EFNA5: variants seen among roughly 807,000 people sequenced by gnomAD.
EFNA5 encodes ephrin-A5.
EFNA5 carries 5 observed loss-of-function variants against 22.9 expected under a neutral mutation model. That is an observed-to-expected ratio of 0.22 (90% CI 0.11 to 0.46). EFNA5 has a LOEUF of 0.46. Among genes scored for constraint, EFNA5 ranks in the 20% least tolerant of loss-of-function variants. The pLI, the probability that EFNA5 is intolerant of heterozygous loss-of-function variation, is 0.99. For missense variants in EFNA5, 237 were observed against 293.3 expected (o/e 0.81, Z 1.40); for synonymous variants, 113 against 112.2 (o/e 1.01, Z -0.04).
At chr5:107,391,080 G>T (rs750881173) in intron 2 of EFNA5, among the ~76,000 whole-genome samples, 2 of 152,246 alleles carry the variant, frequency 1.3e-5, no homozygotes, top group Non-Finnish European at 2.9e-5. Flanking sequence ...AATTGCTTGA[G>T]CCCAGGAGGC....
At chr5:107,503,781 C>A (rs1747192927) in intron 1 of EFNA5, among the ~76,000 whole-genome samples, 1 of 152,020 alleles carries the variant, frequency 6.6e-6, no homozygotes, top group South Asian at 2.1e-4. Flanking sequence ...TTTTTTATTA[C>A]TAAATTGTTT....
intron 2 of EFNA5, among the ~76,000 whole-genome samples, chr5:107,426,241 G>A (rs1018654203): frequency 6.6e-6 from 1 of 152,190 alleles, no homozygotes; most frequent in Non-Finnish European, 1.5e-5. Context: ...TCAGTTGACA[G>A]TGAGAATACA....
At chr5:107,641,537 G>A (rs1580576724) in intron 1 of EFNA5, among the ~76,000 whole-genome samples, 1 of 152,064 alleles carries the variant, frequency 6.6e-6, no homozygotes. Flanking sequence ...TACCTACAGG[G>A]GAGAAAAATA....
At chr5:107,465,852 T>C (rs17160004) in intron 1 of EFNA5, among the ~76,000 whole-genome samples, 10,959 of 151,758 alleles carry the variant, frequency 0.072, 1,332 homozygotes, top group African/African-American at 0.25. Flanking sequence ...AGATCCTCAC[T>C]GAAAAACAAA....
chr5:107,587,859 T>C (rs1749222431), intron 1 of EFNA5, among the ~76,000 whole-genome samples: 1 of 152,152 alleles, frequency 6.6e-6, no homozygotes, highest in Admixed American at 6.5e-5. Context: ...TCCTGTCTTC[T>C]GGGGTCACTA....
chr5:107,562,447 T>C (rs1748569852), intron 1 of EFNA5, among the ~76,000 whole-genome samples: 1 of 152,082 alleles, frequency 6.6e-6, no homozygotes, highest in Non-Finnish European at 1.5e-5. Flanking sequence ...TTTTGTGAAA[T>C]GAAGTTGAAA....
At chr5:107,586,965 C>G (rs1431102126) in intron 1 of EFNA5, among the ~76,000 whole-genome samples, 1 of 152,110 alleles carries the variant, frequency 6.6e-6, no homozygotes, top group African/African-American at 2.4e-5. Context: ...TACATGGACA[C>G]AGAAGGATCA....
At chr5:107,465,554 A>G (rs1305375874) in intron 1 of EFNA5, among the ~76,000 whole-genome samples, 1 of 152,182 alleles carries the variant, frequency 6.6e-6, no homozygotes, top group Non-Finnish European at 1.5e-5. Flanking sequence ...TCATGGAGTG[A>G]TGACAGTTAG....
chr5:107,623,707 C>CAAA (rs770559961), intron 1 of EFNA5, among the ~76,000 whole-genome samples: 5 of 116,102 alleles, frequency 4.3e-5, no homozygotes, highest in Non-Finnish European at 3.7e-5. Flanking sequence ...GGGGGAGATT[C>CAAA]AAAAAAAAAA....
At chr5:107,413,220 G>A (rs1748416580) in intron 2 of EFNA5, among the ~76,000 whole-genome samples, 2 of 151,928 alleles carry the variant, frequency 1.3e-5, no homozygotes, top group Non-Finnish European at 2.9e-5. Flanking sequence ...ACTTTTAAAA[G>A]GAACCTATGA....
chr5:107,626,065 G>A (rs1580567385), intron 1 of EFNA5, among the ~76,000 whole-genome samples: 1 of 152,172 alleles, frequency 6.6e-6, no homozygotes, highest in Non-Finnish European at 1.5e-5. Context: ...ACTCACTGAA[G>A]TAAGATCTTA....
chr5:107,391,278 G>A (rs1373255577), intron 2 of EFNA5, among the ~76,000 whole-genome samples: 1 of 152,134 alleles, frequency 6.6e-6, no homozygotes, highest in Non-Finnish European at 1.5e-5. Flanking sequence ...TCTTCAAGCT[G>A]GGACATAAAT....
chr5:107,618,267 G>T (rs1749965124), intron 1 of EFNA5, among the ~76,000 whole-genome samples: 1 of 152,160 alleles, frequency 6.6e-6, no homozygotes, highest in African/African-American at 2.4e-5. Context: ...AAATCTTGAT[G>T]TATTTCTGTT....
intron 1 of EFNA5, among the ~76,000 whole-genome samples, chr5:107,600,032 C>A (rs1397147152): frequency 1.3e-5 from 2 of 152,160 alleles, no homozygotes; most frequent in African/African-American, 2.4e-5. Flanking sequence ...ATGAAAATTA[C>A]AACAAAACCC....
At position 107,601,457 on chromosome 5, in the gene EFNA5, A is replaced by C. The variant is rs914279066; in HGVS notation, c.125+69032T>G. Among the ~76,000 whole-genome samples, 58 of 152,232 alleles carry C rather than the reference A, an allele frequency of 3.8e-4. 1 individual carries two copies. Among genetic ancestry groups the C allele is most frequent in the Non-Finnish European group, 4.4e-5 (3 of 68,040 alleles). ...TAGAAGTAAGTGTAACTCTGAGAAA[A>C]CAACCAAAATGAATCAAGCATACAA... On this transcript the variant is annotated intron_variant, in intron 1 of 4. Transcript: ENST00000333274.
At position 107,509,199 on chromosome 5, in the gene EFNA5, A is replaced by T. The variant is rs549132913; in HGVS notation, c.126-81690T>A. On this transcript the variant is annotated intron_variant, in intron 1 of 4. Coordinates refer to ENST00000333274, the MANE Select transcript of EFNA5 (RefSeq NM_001962.3). Reference sequence around the variant, plus strand: ...AAATTTTCTTATAACCCATTAATACATAAGAGCAGATGTCTTTAGATACCC... The same window carrying T: ...AAATTTTCTTATAACCCATTAATACTTAAGAGCAGATGTCTTTAGATACCC... 5.3e-5 allele frequency among the ~76,000 whole-genome samples: 8 copies of T among 152,364 alleles called. 1 individual carries two copies. The South Asian group carries it at 1.7e-3, about 32-fold the overall frequency.
chr5:107,473,293 A>T, intron 1 of EFNA5, among the ~76,000 whole-genome samples: 1 of 141,884 alleles, frequency 7.0e-6, no homozygotes, highest in African/African-American at 2.6e-5. Context: ...GTCTGAGTCT[A>T]CTCATCTTAG....
intron 1 of EFNA5, among the ~76,000 whole-genome samples, chr5:107,584,540 A>G (rs934840275): frequency 7.2e-5 from 11 of 152,210 alleles, no homozygotes. Flanking sequence ...CTCAAATATT[A>G]TTTTGGATAG....
Position 107,381,036 on chromosome 5 carries a change from G to C in EFNA5, c.*219C>G. The C allele has an allele frequency of 1.7e-6, 1 of 589,236 alleles. No individual in the cohort carries two copies. The highest frequency in any genetic ancestry group is 2.9e-5 in the East Asian group (1 of 34,946). 36.5% of individuals were successfully genotyped at this position (589,236 alleles called of 1,614,324 possible). On this transcript the variant is annotated 3_prime_UTR_variant, in exon 5 of 5. Transcript: ENST00000333274. The stretch of plus-strand genomic sequence containing the variant: ...GAGGGGTGAGAGAAGCCAAGGGCCA[G>C]GGCTGGGGGTGGGGCGGGGTGGGGT...
Sources: allele counts gnomAD v4.1 joint callset (sites outside exome capture counted in the v4.1 genomes callset), GRCh38; gene constraint gnomAD v4.1.1; transcripts MANE v1.5; gene names NCBI Gene and HGNC (gene_info 2026-07-23, HGNC 2026-07-21).